KCNJ6: variants seen among roughly 807,000 people sequenced by gnomAD.
KCNJ6 encodes potassium inwardly rectifying channel subfamily J member 6.
A neutral mutation model predicts 34.2 loss-of-function variants in KCNJ6; 9 were observed. The ratio of observed to expected loss-of-function variants is 0.26; its 90% confidence interval spans 0.16 to 0.46. The LOEUF (loss-of-function observed/expected upper bound fraction) is 0.46, where lower values mean the gene tolerates loss of function less well. Among genes scored for constraint, KCNJ6 ranks in the 20% least tolerant of loss-of-function variants. KCNJ6 has a pLI of 1.00. For missense variants in KCNJ6, 236 were observed against 531.3 expected, an observed-to-expected ratio of 0.44 and a Z score of 5.46; for synonymous variants, 196 against 207.1, an observed-to-expected ratio of 0.95 and a Z score of 0.46.
At position 37,741,670 on chromosome 21, in the gene KCNJ6, C is replaced by A. The variant is rs563331127; in HGVS notation, c.26-26539G>T. The stretch of plus-strand genomic sequence containing the variant: ...GATTGTTCCTTCTTTTCTGCAAGGC[C>A]CCAGCTCAGACCTTTTCCATGTGGC... On this transcript the variant is annotated intron_variant, in intron 2 of 3. Transcript: ENST00000609713. Among the ~76,000 whole-genome samples, 12 of 152,278 alleles carry A rather than the reference C, an allele frequency of 7.9e-5. No individual in the cohort carries two copies. The East Asian group carries it at 2.3e-3, about 29-fold the overall frequency.
At chr21:37,715,445 T>C (rs2054785440) in intron 2 of KCNJ6, among the ~76,000 whole-genome samples, 1 of 152,212 alleles carries the variant, frequency 6.6e-6, no homozygotes, top group Non-Finnish European at 1.5e-5. Flanking sequence ...CTCCCAACTC[T>C]GAGATGCTGT....
intron 3 of KCNJ6, among the ~76,000 whole-genome samples, chr21:37,691,900 A>G (rs983977002): frequency 2.6e-5 from 4 of 152,144 alleles, no homozygotes; most frequent in Non-Finnish European, 5.9e-5. Context: ...ACCACTCTGG[A>G]TCAAACATAT....
chr21:37,823,740 T>C (rs190968027), intron 2 of KCNJ6, among the ~76,000 whole-genome samples: 4 of 152,276 alleles, frequency 2.6e-5, no homozygotes, highest in African/African-American at 7.2e-5. Context: ...AATTATCCAG[T>C]CTCAGGTAGT....
intron 1 of KCNJ6, among the ~76,000 whole-genome samples, chr21:37,874,927 C>T (rs1419533894): frequency 6.6e-6 from 1 of 152,212 alleles, no homozygotes; most frequent in African/African-American, 2.4e-5. Flanking sequence ...CTGTGCCCTG[C>T]AAAACTATTC....
At chr21:37,838,709 T>C (rs2055464192) in intron 2 of KCNJ6, among the ~76,000 whole-genome samples, 1 of 152,256 alleles carries the variant, frequency 6.6e-6, no homozygotes, top group African/African-American at 2.4e-5. Flanking sequence ...ATTCCAGGTC[T>C]GAGAAGAGCA....
intron 1 of KCNJ6, among the ~76,000 whole-genome samples, chr21:37,853,957 G>T (rs1211723471): frequency 2.0e-5 from 3 of 148,622 alleles, no homozygotes; most frequent in Non-Finnish European, 3.0e-5. Flanking sequence ...AAACACTATA[G>T]ATAAATCAAA....
At chr21:37,733,677 A>G (rs754496315) in intron 2 of KCNJ6, among the ~76,000 whole-genome samples, 1 of 152,232 alleles carries the variant, frequency 6.6e-6, no homozygotes, top group Non-Finnish European at 1.5e-5. Flanking sequence ...GGTCTGATGC[A>G]TTGAATAAAT....
intron 3 of KCNJ6, among the ~76,000 whole-genome samples, chr21:37,670,432 A>G (rs1468145654): frequency 6.6e-6 from 1 of 152,154 alleles, no homozygotes; most frequent in Non-Finnish European, 1.5e-5. Context: ...GATAACATTA[A>G]ATCTGCAGAT....
At chr21:37,802,676 A>G (rs1335031347) in intron 2 of KCNJ6, among the ~76,000 whole-genome samples, 1 of 152,200 alleles carries the variant, frequency 6.6e-6, no homozygotes, top group Non-Finnish European at 1.5e-5. Context: ...AAGGGAATAC[A>G]TTTATATTAG....
At chr21:37,804,668 C>T (rs193011974) in intron 2 of KCNJ6, among the ~76,000 whole-genome samples, 10 of 152,226 alleles carry the variant, frequency 6.6e-5, no homozygotes, top group South Asian at 2.1e-4. Flanking sequence ...TGAGAACATG[C>T]GGTATTTGGT....
chr21:37,856,220 G>C (rs557231039), intron 1 of KCNJ6, among the ~76,000 whole-genome samples: 6 of 152,300 alleles, frequency 3.9e-5, no homozygotes, highest in Admixed American at 3.9e-4. Context: ...GAATACCACA[G>C]AGCCAATGCC....
intron 2 of KCNJ6, among the ~76,000 whole-genome samples, chr21:37,796,015 A>G (rs1488342363): frequency 6.6e-6 from 1 of 152,128 alleles, no homozygotes; most frequent in Non-Finnish European, 1.5e-5. Context: ...GAGATGTAGA[A>G]GAATAATCCG....
chr21:37,624,805 C>G lies in KCNJ6; in HGVS notation c.*354G>C, dbSNP rs534974425. The G allele has an allele frequency of 4.6e-6, 1 of 215,858 alleles. No homozygotes were observed. Among genetic ancestry groups the G allele is most frequent in the African/African-American group, 2.3e-5 (1 of 43,198 alleles). The allele number at this position is 215,858 out of a possible 1,614,324, so 13.4% of individuals were successfully genotyped here. A position where few individuals can be genotyped will look rare whatever the true frequency, so the allele number is the denominator to read the frequency against. On this transcript the variant is annotated 3_prime_UTR_variant, in exon 4 of 4. Transcript: ENST00000609713. ...GCACCAGAAACCTTGCTTGTCATAT[C>G]CCAGGTAAAATCTTTGACACACCTT...
At chr21:37,633,734 C>A (rs1045793167) in intron 3 of KCNJ6, among the ~76,000 whole-genome samples, 32 of 152,000 alleles carry the variant, frequency 2.1e-4, no homozygotes, top group East Asian at 7.7e-4. Context: ...CCCTAGAAAT[C>A]AATCTAATAA....
At chr21:37,748,875 G>A (rs545431015) in intron 2 of KCNJ6, among the ~76,000 whole-genome samples, 12 of 152,286 alleles carry the variant, frequency 7.9e-5, no homozygotes, top group Non-Finnish European at 1.5e-4. Flanking sequence ...AAGAGTCCAG[G>A]AACAAAACCG....
Position 37,668,936 on chromosome 21 carries a change from C to T in KCNJ6, c.947-43452G>A, listed in dbSNP as rs1363724259. Among the ~76,000 whole-genome samples the T allele has an allele frequency of 5.3e-5, 8 of 152,188 alleles. No individual in the cohort carries two copies. In the East Asian group the frequency reaches 1.5e-3, roughly 29 times the overall value. On this transcript the variant is annotated intron_variant, in intron 3 of 3. Coordinates refer to ENST00000609713, the MANE Select transcript of KCNJ6 (RefSeq NM_002240.5). The stretch of plus-strand genomic sequence containing the variant: ...TGCAAAATTTGCATCTGTAAGGAAT[C>T]TCTAATAATATAACTAGGTATTTCC...
At chr21:37,881,717 T>C (rs1030959471) in intron 1 of KCNJ6, among the ~76,000 whole-genome samples, 1 of 152,170 alleles carries the variant, frequency 6.6e-6, no homozygotes, top group Non-Finnish European at 1.5e-5. Flanking sequence ...ATTGCCCTCA[T>C]GATGGGCCCC....
intron 1 of KCNJ6, among the ~76,000 whole-genome samples, chr21:37,902,202 G>A (rs1402173817): frequency 1.3e-5 from 2 of 152,252 alleles, no homozygotes; most frequent in East Asian, 3.8e-4. Context: ...GACCTGGACT[G>A]TGCTTCAATT....
At chr21:37,663,287 T>C (rs1216934665) in intron 3 of KCNJ6, among the ~76,000 whole-genome samples, 1 of 152,140 alleles carries the variant, frequency 6.6e-6, no homozygotes, top group East Asian at 1.9e-4. Flanking sequence ...AGAAAAAACA[T>C]CTTTTATAAT....
Sources: allele counts gnomAD v4.1 joint callset (sites outside exome capture counted in the v4.1 genomes callset), GRCh38; gene constraint gnomAD v4.1.1; transcripts MANE v1.5; gene names NCBI Gene and HGNC (gene_info 2026-07-23, HGNC 2026-07-21).